GTF2A1: variants seen among roughly 807,000 people sequenced by gnomAD.
The protein encoded by GTF2A1 is general transcription factor IIA subunit 1.
In GTF2A1, 12 loss-of-function variants were observed where a neutral mutation model predicts 54.1. The observed-to-expected ratio is 0.22, with a 90% CI of 0.14 to 0.36. The LOEUF (loss-of-function observed/expected upper bound fraction) is 0.36. Among genes scored for constraint, GTF2A1 ranks in the 10% least tolerant of loss-of-function variants. The pLI is 1.00. For synonymous variants in GTF2A1, 145 were observed against 152.0 expected, an observed-to-expected ratio of 0.95 and a Z score of 0.34; for missense variants, 335 against 442.2, an observed-to-expected ratio of 0.76 and a Z score of 2.17.
intron 7 of GTF2A1, among the ~76,000 whole-genome samples, chr14:81,186,935 G>A (rs1404444855): frequency 6.7e-6 from 1 of 150,354 alleles, no homozygotes; most frequent in Non-Finnish European, 1.5e-5. Flanking sequence ...ACAACAACCT[G>A]AGACTCTATA....
intron 2 of GTF2A1, among the ~76,000 whole-genome samples, chr14:81,209,670 G>A (rs147969053): frequency 2.0e-5 from 3 of 152,246 alleles, no homozygotes; most frequent in East Asian, 3.9e-4. Flanking sequence ...ACTATAACTT[G>A]TACTCTATTT....
At chr14:81,198,550 G>A (rs1893037717) in intron 4 of GTF2A1, among the ~76,000 whole-genome samples, 1 of 152,168 alleles carries the variant, frequency 6.6e-6, no homozygotes, top group East Asian at 1.9e-4. Flanking sequence ...ACTTCCTGGA[G>A]AGTTCTGGAG....
rs879011381 is a variant in GTF2A1 at position 81,220,737 on chromosome 14, T to TAA, written c.-221_-220dup. 2.6e-3 allele frequency: 506 copies of TAA among 198,166 alleles called. No individual in the cohort carries two copies. The highest frequency in any genetic ancestry group is 4.8e-3 in the East Asian group (61 of 12,654). 12.3% of individuals were successfully genotyped at this position (198,166 alleles called of 1,614,324 possible). A position where few individuals can be genotyped will look rare whatever the true frequency, so the allele number is the denominator to read the frequency against. The stretch of plus-strand genomic sequence containing the variant: ...CAGCTGAAAACCTCGAGAATCGCCT[T>TAA]AAAAAAAAAAAAAAAGCCACGACCC... On this transcript the variant is annotated 5_prime_UTR_variant, in exon 1 of 9. Coordinates refer to ENST00000553612, the MANE Select transcript of GTF2A1 (RefSeq NM_015859.4).
rs118024487 is a variant in GTF2A1, at chr14:81,194,706, T to C, written c.612+1402A>G. Among the ~76,000 whole-genome samples the C allele has an allele frequency of 7.8e-3, 1,195 of 152,252 alleles. 10 individuals carry two copies. The highest frequency in any genetic ancestry group is 0.012 in the Non-Finnish European group (800 of 68,014). On this transcript the variant is annotated intron_variant, in intron 6 of 8. Transcript: ENST00000553612. ...GTGTTTATTTTGATGTAAATGCAGC[T>C]AAAGAAAATAACTGGGAGCATGGCA...
chr14:81,189,036 A>T (rs771414798), intron 7 of GTF2A1, among the ~76,000 whole-genome samples: 3 of 152,224 alleles, frequency 2.0e-5, no homozygotes, highest in Non-Finnish European at 4.4e-5. Context: ...CATAAATAGC[A>T]ATATTCTATT....
At chr14:81,193,902 A>C (rs1408457611) in intron 6 of GTF2A1, among the ~76,000 whole-genome samples, 1 of 147,936 alleles carries the variant, frequency 6.8e-6, no homozygotes. Flanking sequence ...CACAAAAGAC[A>C]AAAAAATGGT....
Position 81,204,109 on chromosome 14 carries a change from G to A in GTF2A1, c.133-5C>T. ...CATTAGTTTGTTTTCCCATAACTAA[G>A]GCAAAGAACATTAAAGATTTCTAAG... On this transcript the variant is annotated splice_polypyrimidine_tract_variant and splice_region_variant and intron_variant, in intron 2 of 8. Transcript: ENST00000553612. 6.3e-7 allele frequency: 1 copy of A among 1,586,484 alleles called. No individual in the cohort carries two copies. Among genetic ancestry groups the A allele is most frequent in the Non-Finnish European group, 8.7e-7 (1 of 1,155,040 alleles).
chr14:81,183,313 C>A (rs1892677246), intron 8 of GTF2A1, among the ~76,000 whole-genome samples: 2 of 152,056 alleles, frequency 1.3e-5, no homozygotes, highest in Non-Finnish European at 2.9e-5. Flanking sequence ...CCAGCATGAA[C>A]CAAGTGACTG....
At chr14:81,216,111 A>G (rs1893483075) in intron 2 of GTF2A1, among the ~76,000 whole-genome samples, 1 of 152,252 alleles carries the variant, frequency 6.6e-6, no homozygotes, top group African/African-American at 2.4e-5. Flanking sequence ...CTATCCAATA[A>G]TAACTGCTAA....
intron 4 of GTF2A1, 25 bp downstream of exon 4, chr14:81,201,569 C>T (rs1481688472): frequency 1.4e-6 from 2 of 1,411,902 alleles, no homozygotes. Context: ...TACAGCCAAT[C>T]AAACTGCTAC....
intron 7 of GTF2A1, among the ~76,000 whole-genome samples, chr14:81,189,468 A>T (rs779515279): frequency 2.0e-5 from 3 of 152,122 alleles, no homozygotes; most frequent in Non-Finnish European, 4.4e-5. Flanking sequence ...TCAGGAGATC[A>T]AGACCATCCT....
chr14:81,183,166 G>A (rs542763078), intron 8 of GTF2A1, among the ~76,000 whole-genome samples: 111 of 152,288 alleles, frequency 7.3e-4, no homozygotes, highest in Middle Eastern at 3.4e-3. Flanking sequence ...TTGATCATTA[G>A]TGTATCTCAA....
At chr14:81,218,507 G>A (rs1893536398) in intron 1 of GTF2A1, among the ~76,000 whole-genome samples, 1 of 152,108 alleles carries the variant, frequency 6.6e-6, no homozygotes. Flanking sequence ...TGGGCACATA[G>A]GAGTATTTGA....
chr14:81,177,632 G>C lies in GTF2A1; in HGVS notation c.*2591C>G, dbSNP rs966194730. ...TACTTATTTTCATAATACCAAGTCCGAACTATTTTCTGCCTTTAGATAAAC... is the reference window on the plus strand; with the variant it reads ...TACTTATTTTCATAATACCAAGTCCCAACTATTTTCTGCCTTTAGATAAAC... On this transcript the variant is annotated 3_prime_UTR_variant, in exon 9 of 9. Coordinates refer to ENST00000553612, the MANE Select transcript of GTF2A1 (RefSeq NM_015859.4). 1 of 152,036 alleles carries C rather than the reference G, an allele frequency of 6.6e-6. No individual in the cohort carries two copies. The highest frequency in any genetic ancestry group is 2.4e-5 in the African/African-American group (1 of 41,406). The allele number at this position is 152,036 out of a possible 1,614,324, so 9.4% of individuals were successfully genotyped here. A position where few individuals can be genotyped will look rare whatever the true frequency, so the allele number is the denominator to read the frequency against.
chr14:81,192,416 C>G, intron 7 of GTF2A1, 103 bp downstream of exon 7: 1 of 849,000 alleles, frequency 1.2e-6, no homozygotes, highest in African/African-American at 1.7e-5. Context: ...TGTACAGCAC[C>G]TAACAGTCTC....
intron 7 of GTF2A1, among the ~76,000 whole-genome samples, chr14:81,189,742 A>G (rs1892833086): frequency 6.6e-6 from 1 of 152,182 alleles, no homozygotes. Context: ...ACCTACTGAC[A>G]ATATAAATCT....
chr14:81,185,433 G>C (rs1452865887), intron 8 of GTF2A1, 98 bp downstream of exon 8: 1 of 673,132 alleles, frequency 1.5e-6, no homozygotes, highest in African/African-American at 1.8e-5. Flanking sequence ...TAAGAGGCAT[G>C]AATCAGCTGC....
rs1056112504 is a variant in GTF2A1, at chr14:81,220,931, C to CA, written c.-414dup. Reference sequence around the variant, plus strand: ...CGAGCCAACAAGCTGCGCGAGCCACCACCGCCGCCGCCGCCGCCGCCGAGA... The same window carrying CA: ...CGAGCCAACAAGCTGCGCGAGCCACCAACCGCCGCCGCCGCCGCCGCCGAGA... On this transcript the variant is annotated 5_prime_UTR_variant, in exon 1 of 9. Transcript: ENST00000553612. 6 of 176,484 alleles carry CA rather than the reference C, an allele frequency of 3.4e-5. No individual in the cohort carries two copies. The highest frequency in any genetic ancestry group is 1.3e-4 in the Admixed American group (2 of 15,726). 10.9% of individuals were successfully genotyped at this position (176,484 alleles called of 1,614,324 possible).
rs767166963 is a variant in GTF2A1 at position 81,202,123 on chromosome 14, T to C, written c.338-465A>G. Among the ~76,000 whole-genome samples, 292 of 142,688 alleles carry C rather than the reference T, an allele frequency of 2.0e-3. 3 individuals carry two copies. The highest frequency in any genetic ancestry group is 1.4e-3 in the East Asian group (7 of 5,046). The allele number at this position is 142,688 out of a possible 152,430, so 93.6% of individuals were successfully genotyped here. ...CTAACATGGGTGACAAGGTTCCATA[T>C]CAAAAAAAAAAAATTAAGTGGCAAT... On this transcript the variant is annotated intron_variant, in intron 3 of 8. Coordinates refer to ENST00000553612, the MANE Select transcript of GTF2A1 (RefSeq NM_015859.4).
Sources: allele counts gnomAD v4.1 joint callset (sites outside exome capture counted in the v4.1 genomes callset), GRCh38; gene constraint gnomAD v4.1.1; transcripts MANE v1.5; gene names NCBI Gene and HGNC (gene_info 2026-07-23, HGNC 2026-07-21).